The following GYS1 variants were observed in gnomAD, a reference collection of about 807,000 sequenced individuals.
GYS1 encodes the protein glycogen synthase 1, also known as glycogen [starch] synthase, muscle.
A neutral mutation model predicts 89.1 loss-of-function variants in GYS1; 60 were observed. The ratio of observed to expected loss-of-function variants is 0.67; its 90% CI spans 0.55 to 0.84. The LOEUF (loss-of-function observed/expected upper bound fraction) is 0.84, where lower values mean the gene tolerates loss of function less well. Ranked by LOEUF, GYS1 falls within the 40% of genes least tolerant of loss-of-function variation. The pLI is 0.00. For missense variants in GYS1, 888 were observed against 1,003.1 expected, an observed-to-expected ratio of 0.89 and a Z score of 1.55; for synonymous variants, 366 against 401.7, an observed-to-expected ratio of 0.91 and a Z score of 1.06.
Position 48,969,393 on chromosome 19 carries a change from G to A in GYS1, c.2109C>T (p.Thr703=), listed in dbSNP as rs773193049. 2.6e-6 allele frequency: 4 copies of A among 1,564,494 alleles called. No homozygotes were observed. Among genetic ancestry groups the A allele is most frequent in the Non-Finnish European group, 3.5e-6 (4 of 1,159,270 alleles). ...CCACAGAGTTGCGCTTGCTGCCGCT[G>A]GTGGAGGAGGTGCAGGACGCTCGGC... ...WPRRASCTSS[T]SGSKRNSVDT... The change falls in exon 16 of 16, where the codon ACC becomes ACT. Residue 703 remains threonine, a synonymous_variant. Transcript: ENST00000323798.
chr19:48,985,896 C>G lies in GYS1; in HGVS notation c.632G>C (p.Arg211Pro). The G allele has an allele frequency of 6.2e-7, 1 of 1,614,014 alleles. No individual in the cohort carries two copies. The highest frequency in any genetic ancestry group is 8.5e-7 in the Non-Finnish European group (1 of 1,180,040). ...IFTTHATLLGRYLCAGAVDFY... is the reference protein window; with the variant it reads ...IFTTHATLLGPYLCAGAVDFY... ...GTCCACGGCACCGGCACACAGGTAG[C>G]GCCCCAGCAGCGTGGCATGGGTGGT... The change falls in exon 4 of 16, where the codon CGC (arginine) becomes CCC (proline). Residue 211 changes from arginine to proline, a missense_variant. By Grantham distance (103) the Arg-to-Pro change is moderately radical. Transcript: ENST00000323798.
intron 2 of GYS1, among the ~76,000 whole-genome samples, chr19:48,990,009 G>T (rs1324450017): frequency 6.7e-6 from 1 of 150,278 alleles, no homozygotes; most frequent in Admixed American, 6.6e-5. Flanking sequence ...GGGGGGGGGG[G>T]GGGGCTATTC....
chr19:48,974,024 G>T (rs931205583), intron 12 of GYS1, among the ~76,000 whole-genome samples, 189 bp downstream of exon 12: 2 of 152,318 alleles, frequency 1.3e-5, no homozygotes, highest in South Asian at 4.1e-4. Flanking sequence ...TCAAAACCCA[G>T]TCTTCTAGTT....
intron 12 of GYS1, among the ~76,000 whole-genome samples, chr19:48,971,909 T>C (rs531161493): frequency 2.0e-5 from 3 of 148,784 alleles, no homozygotes; most frequent in African/African-American, 7.4e-5. Flanking sequence ...TCACCCAACC[T>C]GGAGGACAGT....
In GYS1 at chr19:48,977,280, A is replaced by G. The variant is rs112756565; in HGVS notation, c.1308+644T>C. ...GCCACCACACCTGGCCCTTTATTAC[A>G]TTTCTACACTTCCTTTTAAACTTCC... On this transcript the variant is annotated intron_variant, in intron 10 of 15. Coordinates refer to ENST00000323798, the MANE Select transcript of GYS1 (RefSeq NM_002103.5). 3.5e-3 allele frequency among the ~76,000 whole-genome samples: 539 copies of G among 152,118 alleles called. 5 individuals carry two copies. The highest frequency in any genetic ancestry group is 0.012 in the African/African-American group (517 of 41,480).
chr19:48,975,551 TC>T (rs2038632351), intron 10 of GYS1, among the ~76,000 whole-genome samples: 1 of 152,018 alleles, frequency 6.6e-6, no homozygotes, highest in Non-Finnish European at 1.5e-5. Flanking sequence ...AATATAACTA[TC>T]CCCAGTCAAT....
chr19:48,969,957 C>G lies in GYS1; in HGVS notation c.1810-102G>C. 4 of 749,608 alleles carry G rather than the reference C, an allele frequency of 5.3e-6. No homozygotes were observed. In the Admixed American group the frequency reaches 5.9e-5, roughly 11 times the overall value. 46.4% of individuals were successfully genotyped at this position (749,608 alleles called of 1,614,324 possible). A position where few individuals can be genotyped will look rare whatever the true frequency, so the allele number is the denominator to read the frequency against. On this transcript the variant is annotated intron_variant, in intron 14 of 15. Coordinates refer to ENST00000323798, the MANE Select transcript of GYS1 (RefSeq NM_002103.5). Reference sequence around the variant, plus strand: ...CACACCCTTTATGCAGATGAGCACACTGCTGCACCCCATACAAATAATCCA... The same window carrying G: ...CACACCCTTTATGCAGATGAGCACAGTGCTGCACCCCATACAAATAATCCA...
chr19:48,985,240 T>C (rs2038823437), intron 5 of GYS1, among the ~76,000 whole-genome samples: 1 of 152,234 alleles, frequency 6.6e-6, no homozygotes, highest in Non-Finnish European at 1.5e-5. Flanking sequence ...ATTCGCCATG[T>C]TGCCCAGGCT....
At position 48,987,229 on chromosome 19, in the gene GYS1, G is replaced by A; in HGVS notation, c.457C>T (p.Leu153Phe). 6.2e-7 allele frequency: 1 copy of A among 1,613,436 alleles called. No individual in the cohort carries two copies. Among genetic ancestry groups the A allele is most frequent in the South Asian group, 1.1e-5 (1 of 90,958 alleles). ...AACCAGGTGGTCAGAAAGCCAAAGA[G>A]GACAGCGTCGTTGGCCTCGCGGTCG... Reference protein sequence around the residue: ...WYDREANDAVLFGFLTTWFLG... With the variant: ...WYDREANDAVFFGFLTTWFLG... The change falls in exon 3 of 16, where the codon CTC becomes TTC. Residue 153 changes from leucine to phenylalanine, a missense_variant. Transcript: ENST00000323798.
chr19:48,969,994 C>G, intron 14 of GYS1, 139 bp from the exon 15 acceptor site: 2 of 668,912 alleles, frequency 3.0e-6, no homozygotes, highest in South Asian at 3.3e-5. Flanking sequence ...CTATCTGACT[C>G]CACCCCTTAT....
At chr19:48,978,661 A>G (rs2038700039) in intron 8 of GYS1, among the ~76,000 whole-genome samples, 1 of 151,578 alleles carries the variant, frequency 6.6e-6, no homozygotes, top group South Asian at 2.1e-4. Flanking sequence ...CCTCCTGAGT[A>G]GCCGGGATTA....
chr19:48,971,118 T>TG, intron 12 of GYS1, 95 bp from the exon 13 acceptor site: 1 of 846,672 alleles, frequency 1.2e-6, no homozygotes, highest in Non-Finnish European at 2.1e-6. Flanking sequence ...TACTGGCGCC[T>TG]GTACCAAGTG....
chr19:48,970,401 T>G (rs1487305260), intron 14 of GYS1, 145 bp downstream of exon 14: 7 of 715,608 alleles, frequency 9.8e-6, no homozygotes, highest in South Asian at 9.5e-5. Flanking sequence ...ATTACAACCA[T>G]GAGCCACCAT....
In GYS1 at chr19:48,982,240, T is replaced by A. The variant is rs747990092; in HGVS notation, c.1062+15A>T. 1 of 1,612,786 alleles carries A rather than the reference T, an allele frequency of 6.2e-7. No homozygotes were observed. The highest frequency in any genetic ancestry group is 1.7e-5 in the Admixed American group (1 of 59,936). On this transcript the variant is annotated intron_variant, in intron 7 of 15. Coordinates refer to ENST00000323798, the MANE Select transcript of GYS1 (RefSeq NM_002103.5). ...TTTGCTTGCCCTCCCTGTCCCCTCATAGCCCAGGCCTCACTCTGAGCAGAT... is the reference window on the plus strand; with the variant it reads ...TTTGCTTGCCCTCCCTGTCCCCTCAAAGCCCAGGCCTCACTCTGAGCAGAT...
intron 5 of GYS1, 79 bp downstream of exon 5, chr19:48,985,382 T>C (rs188682682): frequency 6.8e-7 from 1 of 1,463,242 alleles, no homozygotes; most frequent in East Asian, 2.3e-5. Flanking sequence ...AGTGGGCTTC[T>C]TGGGCTGAGG....
At chr19:48,989,220 G>A (rs997062691) in intron 2 of GYS1, among the ~76,000 whole-genome samples, 18 of 151,870 alleles carry the variant, frequency 1.2e-4, no homozygotes, top group Middle Eastern at 3.4e-3. Context: ...GGTGGCTCAC[G>A]CCTGTAATCC....
At chr19:48,989,641 T>C (rs1291333908) in intron 2 of GYS1, among the ~76,000 whole-genome samples, 5 of 152,058 alleles carry the variant, frequency 3.3e-5, no homozygotes, top group Non-Finnish European at 7.4e-5. Flanking sequence ...CCCAGGTGGG[T>C]CAGGAACTCC....
In GYS1 at chr19:48,989,481, G is replaced by GAA. The variant is rs35555946; in HGVS notation, c.300+1819_300+1820dup. Among the ~76,000 whole-genome samples the GAA allele has an allele frequency of 5.8e-3, 735 of 127,790 alleles. 6 individuals carry two copies. Among genetic ancestry groups the GAA allele is most frequent in the South Asian group, 0.016 (64 of 3,960 alleles). The allele number at this position is 127,790 out of a possible 152,430, so 83.8% of individuals were successfully genotyped here. Reference sequence around the variant, plus strand: ...TCAGCGACAGAGTGAGATTCTATCTGAAAAAAAAAAAAAAAAAATTATGGC... The same window carrying GAA: ...TCAGCGACAGAGTGAGATTCTATCTGAAAAAAAAAAAAAAAAAAAATTATGGC... On this transcript the variant is annotated intron_variant, in intron 2 of 15. Coordinates refer to ENST00000323798, the MANE Select transcript of GYS1 (RefSeq NM_002103.5).
At chr19:48,987,946 G>A (rs2038867148) in intron 2 of GYS1, among the ~76,000 whole-genome samples, 1 of 152,088 alleles carries the variant, frequency 6.6e-6, no homozygotes, top group Non-Finnish European at 1.5e-5. Flanking sequence ...GACTACAGCG[G>A]CCCGCCACCA....
Sources: gnomAD v4.1 joint callset for allele counts (sites outside exome capture counted in the v4.1 genomes callset) on GRCh38, gnomAD v4.1.1 for gene constraint, MANE v1.5 for transcripts, NCBI Gene and HGNC (gene_info 2026-07-23, HGNC 2026-07-21) for gene names.